ARHGEF28: variants seen among roughly 807,000 people sequenced by gnomAD.
ARHGEF28 encodes the protein Rho guanine nucleotide exchange factor 28, also known as 190 kDa guanine nucleotide exchange factor.
Under a neutral mutation model 206.6 loss-of-function variants are expected in ARHGEF28, and 152 were observed. The observed-to-expected ratio is 0.74, with a 90% confidence interval of 0.64 to 0.84. The LOEUF (loss-of-function observed/expected upper bound fraction) is 0.84, where lower values mean the gene tolerates loss of function less well. ARHGEF28 is among the 40% of genes least tolerant of loss of function. ARHGEF28 has a pLI of 0.00. For synonymous variants in ARHGEF28, 763 were observed against 776.4 expected (o/e 0.98, Z 0.29); for missense variants, 2,028 against 2,073.2 (o/e 0.98, Z 0.42).
At chr5:73,767,858 A>G (rs534488355) in intron 4 of ARHGEF28, among the ~76,000 whole-genome samples, 1 of 152,170 alleles carries the variant, frequency 6.6e-6, no homozygotes, top group Non-Finnish European at 1.5e-5. Context: ...AGCCCCTCCC[A>G]TTATAGGCCC....
At chr5:73,837,697 CTCTT>C (rs370359697) in intron 10 of ARHGEF28, among the ~76,000 whole-genome samples, 50 of 150,410 alleles carry the variant, frequency 3.3e-4, no homozygotes, top group East Asian at 1.4e-3. Flanking sequence ...TTCTTTCGTT[CTCTT>C]TCTTTCTTTC....
chr5:73,812,524 T>A (rs1233580817), intron 9 of ARHGEF28, among the ~76,000 whole-genome samples: 1 of 152,182 alleles, frequency 6.6e-6, no homozygotes, highest in Non-Finnish European at 1.5e-5. Context: ...TTTTTTCCAC[T>A]GCAGATCTCG....
intron 31 of ARHGEF28, chr5:73,902,990 C>T (rs1469462588): frequency 3.3e-5 from 5 of 152,242 alleles, no homozygotes; most frequent in Non-Finnish European, 7.3e-5. Context: ...TTCTTAGAGC[C>T]TGTTCTCTCC....
intron 1 of ARHGEF28, among the ~76,000 whole-genome samples, chr5:73,669,926 G>A (rs9800306): frequency 0.73 from 111,734 of 152,184 alleles, 41,088 homozygotes; most frequent in East Asian, 0.82. Context: ...ACTTCAAGTG[G>A]TCCACCCGCT....
At position 73,753,087 on chromosome 5, in the gene ARHGEF28, C is replaced by T. The variant is rs377228313; in HGVS notation, c.360C>T (p.Thr120=). 5 of 1,607,104 alleles carry T rather than the reference C, an allele frequency of 3.1e-6. No homozygotes were observed. In the African/African-American group the frequency reaches 6.7e-5, roughly 21 times the overall value. ...CCTGCAGCCACCAGACCCTGCTGACCCCATTTGCCTTGACGGCAGGAGCAC... is the reference window on the plus strand; with the variant it reads ...CCTGCAGCCACCAGACCCTGCTGACTCCATTTGCCTTGACGGCAGGAGCAC... The part of the protein sequence containing the change: ...LTACSHQTLL[T]PFALTAGALP... The change falls in exon 4 of 36, where the codon ACC becomes ACT. Residue 120 remains threonine, a synonymous_variant. Coordinates refer to ENST00000513042, the MANE Select transcript of ARHGEF28 (RefSeq NM_001177693.2).
chr5:73,831,691 T>C (rs1757309089), intron 9 of ARHGEF28, among the ~76,000 whole-genome samples: 1 of 152,206 alleles, frequency 6.6e-6, no homozygotes, highest in African/African-American at 2.4e-5. Flanking sequence ...AAATGTATAG[T>C]TTTTGTTTGT....
chr5:73,848,915 G>A lies in ARHGEF28; in HGVS notation c.1636-61G>A, dbSNP rs1561454510. 2.5e-6 allele frequency: 3 copies of A among 1,195,438 alleles called. No homozygotes were observed. In the South Asian group the frequency reaches 4.2e-5, roughly 17 times the overall value. 74.1% of individuals were successfully genotyped at this position (1,195,438 alleles called of 1,614,324 possible). A position where few individuals can be genotyped will look rare whatever the true frequency, so the allele number is the denominator to read the frequency against. ...TGCAAATTTAGTAACATTTGAGGTG[G>A]TGAATATATATTTTCAGACCATGTA... On this transcript the variant is annotated intron_variant, in intron 12 of 35. Coordinates refer to ENST00000513042, the MANE Select transcript of ARHGEF28 (RefSeq NM_001177693.2).
chr5:73,730,057 C>A (rs1750516609), intron 2 of ARHGEF28, among the ~76,000 whole-genome samples: 1 of 152,160 alleles, frequency 6.6e-6, no homozygotes, highest in Admixed American at 6.5e-5. Flanking sequence ...ATATCGCCAT[C>A]TAATTCTGAT....
chr5:73,677,538 A>T (rs1228330655), intron 1 of ARHGEF28, among the ~76,000 whole-genome samples: 1 of 152,252 alleles, frequency 6.6e-6, no homozygotes, highest in Non-Finnish European at 1.5e-5. Context: ...TCAAGAATTG[A>T]TATTTTTCCA....
chr5:73,653,997 G>A (rs1435436089), intron 1 of ARHGEF28, among the ~76,000 whole-genome samples: 1 of 152,106 alleles, frequency 6.6e-6, no homozygotes, highest in Non-Finnish European at 1.5e-5. Flanking sequence ...AGCCATTTTG[G>A]GTGCAAACAA....
At chr5:73,884,971 A>C (rs1761172624) in intron 24 of ARHGEF28, among the ~76,000 whole-genome samples, 1 of 152,194 alleles carries the variant, frequency 6.6e-6, no homozygotes, top group South Asian at 2.1e-4. Context: ...CAGAAGAAGA[A>C]AATTCATTTT....
At chr5:73,924,089 C>G (rs965990618) in intron 35 of ARHGEF28, among the ~76,000 whole-genome samples, 1 of 152,162 alleles carries the variant, frequency 6.6e-6, no homozygotes, top group African/African-American at 2.4e-5. Flanking sequence ...ATGAATCCAA[C>G]CCCCATTGCC....
intron 2 of ARHGEF28, among the ~76,000 whole-genome samples, chr5:73,724,450 C>T (rs1240679365): frequency 6.6e-6 from 1 of 152,114 alleles, no homozygotes; most frequent in Non-Finnish European, 1.5e-5. Context: ...AAAATCCCCC[C>T]CTTTTTAGTG....
At chr5:73,779,981 G>A (rs1006305147) in intron 6 of ARHGEF28, among the ~76,000 whole-genome samples, 1 of 152,192 alleles carries the variant, frequency 6.6e-6, no homozygotes, top group African/African-American at 2.4e-5. Context: ...GTGATTACCT[G>A]CCCAAGTATA....
chr5:73,868,902 C>T (rs531779456), intron 20 of ARHGEF28, among the ~76,000 whole-genome samples: 78 of 152,298 alleles, frequency 5.1e-4, no homozygotes, highest in Non-Finnish European at 6.3e-4. Context: ...CTGCCTCGGC[C>T]TCCCAAAGTG....
chr5:73,731,285 A>G (rs759187990), intron 2 of ARHGEF28, among the ~76,000 whole-genome samples: 1 of 152,210 alleles, frequency 6.6e-6, no homozygotes, highest in African/African-American at 2.4e-5. Context: ...ATCTGTGTCT[A>G]TCTTGTCAGG....
intron 6 of ARHGEF28, among the ~76,000 whole-genome samples, chr5:73,779,096 C>T (rs1382307107): frequency 6.6e-6 from 1 of 152,224 alleles, no homozygotes; most frequent in African/African-American, 2.4e-5. Flanking sequence ...CAGGTGAACC[C>T]AGTCAGAAGC....
intron 1 of ARHGEF28, among the ~76,000 whole-genome samples, chr5:73,631,658 A>G (rs1743373183): frequency 6.6e-6 from 1 of 151,994 alleles, no homozygotes; most frequent in African/African-American, 2.4e-5. Flanking sequence ...AACACCTGCT[A>G]TTTCTCATGG....
intron 14 of ARHGEF28, among the ~76,000 whole-genome samples, chr5:73,856,982 G>T (rs186095772): frequency 6.6e-6 from 1 of 152,208 alleles, no homozygotes; most frequent in Admixed American, 6.5e-5. Flanking sequence ...TAATTGTATT[G>T]TGGATTAGAA....
Sources: gnomAD v4.1 joint callset for allele counts (sites outside exome capture counted in the v4.1 genomes callset) on GRCh38, gnomAD v4.1.1 for gene constraint, MANE v1.5 for transcripts, NCBI Gene and HGNC (gene_info 2026-07-23, HGNC 2026-07-21) for gene names.